Variants in COG5 observed in about 807,000 individuals in gnomAD.
COG5 encodes the protein conserved oligomeric Golgi complex subunit 5.
COG5 carries 86 observed loss-of-function variants against 110.4 expected under a neutral mutation model. The ratio of observed to expected loss-of-function variants is 0.78; its 90% CI spans 0.65 to 0.93. The LOEUF (loss-of-function observed/expected upper bound fraction) is 0.93, where lower values mean the gene tolerates loss of function less well. Among genes scored for constraint, COG5 ranks in the 40% least tolerant of loss-of-function variants. The pLI is 0.00. For synonymous variants in COG5, 360 were observed against 334.6 expected, an observed-to-expected ratio of 1.08 and a Z score of -0.83; for missense variants, 1,077 against 987.0, an observed-to-expected ratio of 1.09 and a Z score of -1.22.
At chr7:107,302,930 A>C (rs1269174309) in intron 11 of COG5, among the ~76,000 whole-genome samples, 2 of 152,158 alleles carry the variant, frequency 1.3e-5, no homozygotes, top group Non-Finnish European at 2.9e-5. Flanking sequence ...TGTTGTAATA[A>C]AGTTCTAAAC....
Position 107,246,930 on chromosome 7 carries a change from C to T in COG5, c.1853+1466G>A, listed in dbSNP as rs540080904. Reference sequence around the variant, plus strand: ...AAAACATATGCATGTGCATGTTCATCGCAGCACTATTCACAATAGCAAAGA... The same window carrying T: ...AAAACATATGCATGTGCATGTTCATTGCAGCACTATTCACAATAGCAAAGA... On this transcript the variant is annotated intron_variant, in intron 17 of 21. Coordinates refer to ENST00000297135, the MANE Select transcript of COG5 (RefSeq NM_006348.5). Among the ~76,000 whole-genome samples the T allele has an allele frequency of 2.0e-3, 301 of 152,176 alleles. 1 individual carries two copies. The highest frequency in any genetic ancestry group is 6.6e-3 in the African/African-American group (276 of 41,538).
chr7:107,402,490 T>C (rs917754456), intron 7 of COG5, among the ~76,000 whole-genome samples: 1 of 152,236 alleles, frequency 6.6e-6, no homozygotes, highest in Non-Finnish European at 1.5e-5. Context: ...TGTCATCATT[T>C]TACTGTGGGG....
chr7:107,332,436 C>A (rs1449810984), intron 10 of COG5, among the ~76,000 whole-genome samples: 1 of 151,878 alleles, frequency 6.6e-6, no homozygotes, highest in Non-Finnish European at 1.5e-5. Flanking sequence ...TATTCACTGT[C>A]CTATACTTGG....
chr7:107,322,064 C>A (rs1180557635), intron 11 of COG5, among the ~76,000 whole-genome samples: 2 of 152,138 alleles, frequency 1.3e-5, no homozygotes, highest in African/African-American at 4.8e-5. Context: ...TAGACAAACA[C>A]AAAACCAAAA....
Position 107,203,419 on chromosome 7 carries a change from T to C in COG5, c.*97A>G. The C allele has an allele frequency of 1.2e-6, 1 of 824,304 alleles. No individual in the cohort carries two copies. 51.1% of individuals were successfully genotyped at this position (824,304 alleles called of 1,614,324 possible). On this transcript the variant is annotated 3_prime_UTR_variant, in exon 22 of 22. Coordinates refer to ENST00000297135, the MANE Select transcript of COG5 (RefSeq NM_006348.5). ...AATACCGAACAATCAATTACATTCT[T>C]AAAATAGTAGATAGTAGCAGTCTTT...
In COG5 at chr7:107,553,527, C is replaced by A. The variant is rs1475414550; in HGVS notation, c.292+758G>T. ...CTCTCCTTAAGAATTTGATCAACAT[C>A]GAGAAAAACCCCTTACCTTTCTTCT... On this transcript the variant is annotated intron_variant, in intron 3 of 21. Coordinates refer to ENST00000297135, the MANE Select transcript of COG5 (RefSeq NM_006348.5). 5.3e-5 allele frequency among the ~76,000 whole-genome samples: 8 copies of A among 152,020 alleles called. No individual in the cohort carries two copies. The East Asian group carries it at 1.5e-3, about 29-fold the overall frequency.
chr7:107,499,205 G>GT (rs1243643995), intron 6 of COG5, among the ~76,000 whole-genome samples: 1 of 152,072 alleles, frequency 6.6e-6, no homozygotes, highest in African/African-American at 2.4e-5. Flanking sequence ...AGCAAGATAA[G>GT]TAAGTTCTAG....
At chr7:107,249,699 T>C (rs1802338983) in intron 16 of COG5, among the ~76,000 whole-genome samples, 1 of 104,680 alleles carries the variant, frequency 9.6e-6, no homozygotes, top group African/African-American at 7.8e-5. Flanking sequence ...ATTGTGTGTG[T>C]GTGTGTGTGT....
intron 6 of COG5, among the ~76,000 whole-genome samples, chr7:107,468,708 A>G (rs991877759): frequency 6.6e-6 from 1 of 152,184 alleles, no homozygotes; most frequent in South Asian, 2.1e-4. Flanking sequence ...GGAAGATTAT[A>G]AAAATGCATA....
intron 6 of COG5, among the ~76,000 whole-genome samples, chr7:107,464,105 A>T (rs1327092233): frequency 6.6e-6 from 1 of 152,210 alleles, no homozygotes; most frequent in African/African-American, 2.4e-5. Context: ...GGGTAGAGAA[A>T]AATGGGAGTC....
At position 107,270,359 on chromosome 7, in the gene COG5, C is replaced by A. The variant is rs554684811; in HGVS notation, c.1575+10941G>T. ...CGCTACAGCCTCCACCTTCTGGGATCAAGTGATCCTTCCTGCCTCAGCTTC... is the reference window on the plus strand; with the variant it reads ...CGCTACAGCCTCCACCTTCTGGGATAAAGTGATCCTTCCTGCCTCAGCTTC... On this transcript the variant is annotated intron_variant, in intron 14 of 21. Transcript: ENST00000297135. 2.6e-5 allele frequency among the ~76,000 whole-genome samples: 4 copies of A among 151,116 alleles called. No homozygotes were observed. The East Asian group carries it at 7.8e-4, about 29-fold the overall frequency.
intron 6 of COG5, among the ~76,000 whole-genome samples, chr7:107,434,628 G>A (rs986186671): frequency 1.3e-5 from 2 of 151,920 alleles, no homozygotes; most frequent in South Asian, 4.2e-4. Context: ...AAGATAAAAA[G>A]AAAAAGAAAA....
intron 6 of COG5, among the ~76,000 whole-genome samples, chr7:107,513,383 A>C (rs2129145954): frequency 6.6e-6 from 1 of 152,228 alleles, no homozygotes; most frequent in African/African-American, 2.4e-5. Context: ...GCGATCATTA[A>C]AAAGTCAGGA....
In COG5 at chr7:107,254,117, C is replaced by T. The variant is rs1056614317; in HGVS notation, c.1749+2615G>A. ...TTTGAATAAATGAAAAAAAAGAATA[C>T]GTAATGATGAACCTCAAGCCTAAAA... On this transcript the variant is annotated intron_variant, in intron 16 of 21. Transcript: ENST00000297135. Among the ~76,000 whole-genome samples, 9 of 151,894 alleles carry T rather than the reference C, an allele frequency of 5.9e-5. No homozygotes were observed. In the East Asian group the frequency reaches 7.7e-4, roughly 13 times the overall value.
chr7:107,275,954 TATAAAGA>T (rs1261944347), intron 14 of COG5, among the ~76,000 whole-genome samples: 4 of 152,224 alleles, frequency 2.6e-5, no homozygotes, highest in Admixed American at 6.5e-5. Flanking sequence ...TATAAAATTA[TATAAAGA>T]ATAAAGTGTA....
At chr7:107,311,005 C>T (rs1156844320) in intron 11 of COG5, among the ~76,000 whole-genome samples, 2 of 152,012 alleles carry the variant, frequency 1.3e-5, no homozygotes, top group East Asian at 3.9e-4. Flanking sequence ...GTTTGTTTAA[C>T]TAATGTCACA....
chr7:107,365,167 T>C (rs75034610), intron 8 of COG5, among the ~76,000 whole-genome samples: 3 of 152,086 alleles, frequency 2.0e-5, no homozygotes, highest in Non-Finnish European at 2.9e-5. Flanking sequence ...TTAGCTTTAA[T>C]AGACTCAAGA....
intron 7 of COG5, among the ~76,000 whole-genome samples, chr7:107,411,106 C>A (rs1271456667): frequency 1.3e-5 from 2 of 152,122 alleles, no homozygotes; most frequent in Middle Eastern, 3.2e-3. Context: ...ATGAAAACAA[C>A]CATATGAGGA....
intron 12 of COG5, among the ~76,000 whole-genome samples, chr7:107,295,683 C>T (rs1166949171): frequency 2.0e-5 from 3 of 152,146 alleles, no homozygotes; most frequent in Non-Finnish European, 4.4e-5. Flanking sequence ...TTTTCCTCAC[C>T]AACCACATTA....
Sources: gnomAD v4.1 joint callset for allele counts (sites outside exome capture counted in the v4.1 genomes callset) on GRCh38, gnomAD v4.1.1 for gene constraint, MANE v1.5 for transcripts, NCBI Gene and HGNC (gene_info 2026-07-23, HGNC 2026-07-21) for gene names.